The following MED6 variants were observed in gnomAD, a reference collection of about 807,000 sequenced individuals.
The protein encoded by MED6 is mediator complex subunit 6.
MED6 carries 33 observed loss-of-function variants against 37.5 expected under a neutral mutation model. The observed-to-expected ratio is 0.88, with a 90% CI of 0.67 to 1.18. MED6 has a LOEUF of 1.18. Among genes scored for constraint, MED6 ranks in the 50% most tolerant of loss-of-function variants. The pLI is 0.00. For missense variants in MED6, 235 were observed against 290.6 expected, an observed-to-expected ratio of 0.81 and a Z score of 1.39; for synonymous variants, 94 against 93.6, an observed-to-expected ratio of 1.00 and a Z score of -0.02.
intron 1 of MED6, among the ~76,000 whole-genome samples, chr14:70,600,128 C>G (rs1240661236): frequency 6.6e-6 from 1 of 151,984 alleles, no homozygotes; most frequent in Non-Finnish European, 1.5e-5. Context: ...AATTGCTGGA[C>G]GTTCGATGTA....
chr14:70,591,628 T>C, intron 5 of MED6: 1 of 346,746 alleles, frequency 2.9e-6, no homozygotes, highest in Non-Finnish European at 5.2e-6. Flanking sequence ...ACTTCAGTTT[T>C]GGTATATAAG....
At position 70,596,439 on chromosome 14, in the gene MED6, G is replaced by C. The variant is rs1595054014; in HGVS notation, c.274+172C>G. 4 of 523,270 alleles carry C rather than the reference G, an allele frequency of 7.6e-6. 1 individual carries two copies. Among genetic ancestry groups the C allele is most frequent in the South Asian group, 2.9e-5 (1 of 34,874 alleles). The allele number at this position is 523,270 out of a possible 1,614,324, so 32.4% of individuals were successfully genotyped here. On this transcript the variant is annotated intron_variant, in intron 3 of 7. Coordinates refer to ENST00000256379, the MANE Select transcript of MED6 (RefSeq NM_005466.4). ...TGTGTTGTCATAACAAATCTTAGCTGTAAGTACAACCATATGCTAAGTCTG... is the reference window on the plus strand; with the variant it reads ...TGTGTTGTCATAACAAATCTTAGCTCTAAGTACAACCATATGCTAAGTCTG...
In MED6 at chr14:70,583,457, T is replaced by C. The variant is rs927353779; in HGVS notation, c.*1356A>G. 6.6e-6 allele frequency: 1 copy of C among 152,224 alleles called. No individual in the cohort carries two copies. The highest frequency in any genetic ancestry group is 1.5e-5 in the Non-Finnish European group (1 of 68,046). The allele number at this position is 152,224 out of a possible 1,614,324, so 9.4% of individuals were successfully genotyped here. On this transcript the variant is annotated 3_prime_UTR_variant, in exon 8 of 8. Coordinates refer to ENST00000256379, the MANE Select transcript of MED6 (RefSeq NM_005466.4). ...GATACATACTTTCAAACTTCGCTGT[T>C]TGAGTGATCACTAGTCCAACATTTT... is the stretch of plus-strand genomic sequence containing the variant.
intron 1 of MED6, among the ~76,000 whole-genome samples, chr14:70,598,314 C>A (rs963880005): frequency 1.3e-5 from 2 of 151,528 alleles, no homozygotes; most frequent in South Asian, 2.1e-4. Context: ...AGAAAAAAAA[C>A]AAAACAAAAA....
chr14:70,591,410 C>T (rs1884866748), intron 5 of MED6, 29 bp from the exon 6 acceptor site: 2 of 1,533,780 alleles, frequency 1.3e-6, no homozygotes, highest in Non-Finnish European at 1.8e-6. Flanking sequence ...CAAATCAAAA[C>T]ATTGCCTACT....
intron 4 of MED6, 140 bp downstream of exon 4, chr14:70,593,156 G>T: frequency 8.1e-7 from 1 of 1,227,584 alleles, no homozygotes; most frequent in South Asian, 1.4e-5. Flanking sequence ...TTGGCTCACA[G>T]TAACCAAAGT....
chr14:70,595,420 C>A, intron 3 of MED6: 1 of 570,236 alleles, frequency 1.8e-6, no homozygotes, highest in Non-Finnish European at 3.3e-6. Flanking sequence ...GCTAAGGTGA[C>A]GCTCACGGAG....
intron 3 of MED6, among the ~76,000 whole-genome samples, chr14:70,593,915 G>A (rs1884962791): frequency 6.6e-6 from 1 of 152,200 alleles, no homozygotes; most frequent in Non-Finnish European, 1.5e-5. Context: ...ATAGCTGCTA[G>A]TGAGGCTACT....
chr14:70,585,913 G>A lies in MED6; in HGVS notation c.583-130C>T, dbSNP rs954064514. 51 of 655,822 alleles carry A rather than the reference G, an allele frequency of 7.8e-5. 1 individual carries two copies. In the African/African-American group the frequency reaches 8.5e-4, roughly 11 times the overall value. 40.6% of individuals were successfully genotyped at this position (655,822 alleles called of 1,614,324 possible). ...GCTTCATCCAAATTACATTTCAAAT[G>A]ACTTTGTGAAGAAAAGCTACTATGT... On this transcript the variant is annotated intron_variant, in intron 6 of 7. Transcript: ENST00000256379.
intron 6 of MED6, among the ~76,000 whole-genome samples, chr14:70,588,698 A>C (rs1338574712): frequency 4.5e-5 from 3 of 66,268 alleles, no homozygotes; most frequent in African/African-American, 1.8e-4. Context: ...AAATAATAAT[A>C]ATAATAATAA....
At chr14:70,592,701 C>G in intron 5 of MED6, 179 bp downstream of exon 5, 1 of 530,872 alleles carries the variant, frequency 1.9e-6, no homozygotes, top group South Asian at 2.3e-5. Context: ...TGCATCTGTT[C>G]CTATGTGAAA....
intron 1 of MED6, among the ~76,000 whole-genome samples, 176 bp downstream of exon 1, chr14:70,600,440 A>G (rs201638698): frequency 0.019 from 1,611 of 86,502 alleles, 18 homozygotes; most frequent in African/African-American, 0.094. Flanking sequence ...AAGAACTCAG[A>G]AAAAAAAAAA....
rs959081528 is a variant in MED6 at position 70,585,185 on chromosome 14, A to T, written c.611-242T>A. On this transcript the variant is annotated intron_variant, in intron 7 of 7. Transcript: ENST00000256379. ...TAGCATTTAAGTAAGACAGTATGTA[A>T]AAACAAGATATATAATTATTCTAAC... Among the ~76,000 whole-genome samples the T allele has an allele frequency of 1.8e-4, 27 of 152,356 alleles. 1 individual carries two copies. The highest frequency in any genetic ancestry group is 6.5e-4 in the African/African-American group (27 of 41,576).
chr14:70,583,866 AG>A lies in MED6; in HGVS notation c.*946del. 2.6e-6 allele frequency: 1 copy of A among 384,692 alleles called. No individual in the cohort carries two copies. Among genetic ancestry groups the A allele is most frequent in the Non-Finnish European group, 4.6e-6 (1 of 217,600 alleles). The allele number at this position is 384,692 out of a possible 1,614,324, so 23.8% of individuals were successfully genotyped here. A position where few individuals can be genotyped will look rare whatever the true frequency, so the allele number is the denominator to read the frequency against. On this transcript the variant is annotated 3_prime_UTR_variant, in exon 8 of 8. Transcript: ENST00000256379. Reference sequence around the variant, plus strand: ...TGCCATGAGATACCCTGTGCTGCCTAGGGACTTTGCAGACTTCCTACCAGCA... The same window carrying A: ...TGCCATGAGATACCCTGTGCTGCCTAGGACTTTGCAGACTTCCTACCAGCA...
chr14:70,597,903 C>T (rs1382028400), intron 1 of MED6, 126 bp from the exon 2 acceptor site: 11 of 608,812 alleles, frequency 1.8e-5, no homozygotes, highest in Non-Finnish European at 2.5e-5. Flanking sequence ...TCCTAACCAA[C>T]ACACTCTCAT....
At chr14:70,585,421 TAA>T (rs1884674782) in intron 7 of MED6, among the ~76,000 whole-genome samples, 1 of 152,068 alleles carries the variant, frequency 6.6e-6, no homozygotes. Flanking sequence ...TCTCAAAGAT[TAA>T]GAGTAAAAAA....
At chr14:70,588,467 C>T (rs1200870447) in intron 6 of MED6, among the ~76,000 whole-genome samples, 7 of 151,990 alleles carry the variant, frequency 4.6e-5, no homozygotes, top group African/African-American at 7.2e-5. Flanking sequence ...GGGCAGATCA[C>T]GAGGTCAGGA....
chr14:70,598,525 G>T (rs1352977599), intron 1 of MED6, among the ~76,000 whole-genome samples: 1 of 152,142 alleles, frequency 6.6e-6, no homozygotes, highest in Admixed American at 6.5e-5. Context: ...AGGACCTGGG[G>T]AAACGAAAAT....
intron 3 of MED6, among the ~76,000 whole-genome samples, chr14:70,594,241 T>G (rs1884974226): frequency 6.6e-6 from 1 of 152,164 alleles, no homozygotes; most frequent in African/African-American, 2.4e-5. Context: ...CTTGCCTTGA[T>G]TCTAATGTCT....
Sources: allele counts gnomAD v4.1 joint callset (sites outside exome capture counted in the v4.1 genomes callset), GRCh38; gene constraint gnomAD v4.1.1; transcripts MANE v1.5; gene names NCBI Gene and HGNC (gene_info 2026-07-23, HGNC 2026-07-21).